Variants in LGALS14 observed in about 807,000 individuals in gnomAD.
The protein encoded by LGALS14 is galectin 14.
In LGALS14, 14 loss-of-function variants were observed where a neutral mutation model predicts 14.6. The ratio of observed to expected loss-of-function variants is 0.96; its 90% CI spans 0.64 to 1.50. The LOEUF is 1.50. Among genes scored for constraint, LGALS14 ranks in the 40% most tolerant of loss-of-function variants. The probability of loss-of-function intolerance (pLI) is 0.00; values close to 1 mark genes in which losing one functional copy is unlikely to be tolerated. For synonymous variants in LGALS14, 57 were observed against 63.9 expected, an observed-to-expected ratio of 0.89 and a Z score of 0.51; for missense variants, 180 against 172.0, an observed-to-expected ratio of 1.05 and a Z score of -0.26.
rs150238702 is a variant in LGALS14, at chr19:39,706,634, C to T, written c.53C>T (p.Ser18Leu). The T allele has an allele frequency of 2.4e-5, 38 of 1,613,848 alleles. 2 individuals carry two copies. In the South Asian group the frequency reaches 2.4e-4, roughly 10 times the overall value. ...CTGCCTGTTTCCTTGCCTGTTGGTTCGTGCGTGATAATCACAGGGACACCG... is the reference window on the plus strand; with the variant it reads ...CTGCCTGTTTCCTTGCCTGTTGGTTTGTGCGTGATAATCACAGGGACACCG... ...YTLPVSLPVG[S>L]CVIITGTPIL... is the part of the protein sequence containing the mutation. The change falls in exon 2 of 4, where the codon TCG (serine) becomes TTG (leucine). Residue 18 changes from serine (S) to leucine (L), a missense_variant. Transcript: ENST00000392052.
At chr19:39,707,982 G>C (rs1183109164) in intron 3 of LGALS14, among the ~76,000 whole-genome samples, 1 of 152,036 alleles carries the variant, frequency 6.6e-6, no homozygotes, top group Non-Finnish European at 1.5e-5. Context: ...GTTAACTTTT[G>C]TATTTTTAGT....
intron 1 of LGALS14, among the ~76,000 whole-genome samples, chr19:39,705,138 T>C (rs1973695516): frequency 6.6e-6 from 1 of 152,164 alleles, no homozygotes; most frequent in East Asian, 1.9e-4. Flanking sequence ...GGATCCCAAG[T>C]GGCTTAACTG....
rs1464874922 is a variant in LGALS14, at chr19:39,709,333, C to T, written c.*20C>T. On this transcript the variant is annotated 3_prime_UTR_variant, in exon 4 of 4. Coordinates refer to ENST00000392052, the MANE Select transcript of LGALS14 (RefSeq NM_020129.3). ...GATTGAGGGAGATGATCAGACTCCT[C>T]ATTGTTGAGGAATCCCTCTTTCTAC... The T allele has an allele frequency of 5.2e-6, 7 of 1,357,518 alleles. No homozygotes were observed. The highest frequency in any genetic ancestry group is 2.9e-5 in the African/African-American group (2 of 69,720). The allele number at this position is 1,357,518 out of a possible 1,614,324, so 84.1% of individuals were successfully genotyped here. A position where few individuals can be genotyped will look rare whatever the true frequency, so the allele number is the denominator to read the frequency against.
Position 39,707,302 on chromosome 19 carries a change from A to T in LGALS14, c.217A>T (p.Arg73Ter). ...IMNSCVFGIW[R>*]YEEKCYYLPF... Reference sequence around the variant, plus strand: ...GAACAGTTGTGTGTTTGGCATATGGAGATATGAGGAGAAATGCTACTATTT... The same window carrying T: ...GAACAGTTGTGTGTTTGGCATATGGTGATATGAGGAGAAATGCTACTATTT... Residue 73 changes from arginine to a stop codon, truncating the protein, a stop_gained, in exon 3 of 4, where the codon AGA becomes TGA. Transcript: ENST00000392052. LOFTEE classifies it high-confidence loss of function. The T allele has an allele frequency of 6.2e-7, 1 of 1,614,052 alleles. No individual in the cohort carries two copies. Among genetic ancestry groups the T allele is most frequent in the African/African-American group, 1.3e-5 (1 of 75,042 alleles).
At chr19:39,705,409 G>T (rs1208839187) in intron 1 of LGALS14, among the ~76,000 whole-genome samples, 1 of 152,156 alleles carries the variant, frequency 6.6e-6, no homozygotes, top group Non-Finnish European at 1.5e-5. Flanking sequence ...TGCCAGGGAA[G>T]AATATTAGAG....
Position 39,706,685 on chromosome 19 carries a change from A to G in LGALS14, c.92+12A>G, listed in dbSNP as rs750002012. 1.3e-6 allele frequency: 2 copies of G among 1,591,204 alleles called. No homozygotes were observed. Among genetic ancestry groups the G allele is most frequent in the Non-Finnish European group, 1.7e-6 (2 of 1,159,270 alleles). On this transcript the variant is annotated intron_variant, in intron 2 of 3. Transcript: ENST00000392052. ...ATCCTCACTTTTGTGTGAGTACTCC[A>G]TGGTCCAATGGAGGGGGTGGAGGAG...
In LGALS14 at chr19:39,706,638, C is replaced by G. The variant is rs143548297; in HGVS notation, c.57C>G (p.Cys19Trp). 8.1e-6 allele frequency: 13 copies of G among 1,613,760 alleles called. No homozygotes were observed. The highest frequency in any genetic ancestry group is 1.1e-5 in the Non-Finnish European group (13 of 1,179,816). Reference sequence around the variant, plus strand: ...CTGTTTCCTTGCCTGTTGGTTCGTGCGTGATAATCACAGGGACACCGATCC... The same window carrying G: ...CTGTTTCCTTGCCTGTTGGTTCGTGGGTGATAATCACAGGGACACCGATCC... ...TLPVSLPVGS[C>W]VIITGTPILT... Residue 19 changes from cysteine to tryptophan, a missense_variant, in exon 2 of 4, where the codon TGC becomes TGG. By Grantham distance (215) the Cys-to-Trp change is radical. Coordinates refer to ENST00000392052, the MANE Select transcript of LGALS14 (RefSeq NM_020129.3).
intron 1 of LGALS14, 68 bp from the exon 2 acceptor site, chr19:39,706,529 G>A: frequency 8.7e-7 from 1 of 1,148,372 alleles, no homozygotes; most frequent in Admixed American, 1.7e-5. Context: ...CTGCACCATG[G>A]GAATCTGTTA....
chr19:39,708,108 C>A lies in LGALS14; in HGVS notation c.303+720C>A, dbSNP rs1017360681. ...TACAGGCATAAGCCACCGTGCCCAGCCTTTCAGAGGAAATCTTTTCCTATG... is the reference window on the plus strand; with the variant it reads ...TACAGGCATAAGCCACCGTGCCCAGACTTTCAGAGGAAATCTTTTCCTATG... On this transcript the variant is annotated intron_variant, in intron 3 of 3. Coordinates refer to ENST00000392052, the MANE Select transcript of LGALS14 (RefSeq NM_020129.3). 3.3e-5 allele frequency among the ~76,000 whole-genome samples: 5 copies of A among 152,140 alleles called. No individual in the cohort carries two copies. The South Asian group carries it at 8.3e-4, about 25-fold the overall frequency.
At position 39,707,281 on chromosome 19, in the gene LGALS14, A is replaced by G. The variant is rs773797067; in HGVS notation, c.196A>G (p.Ser66Gly). The change falls in exon 3 of 4, where the codon AGT becomes GGT. Residue 66 changes from serine (S) to glycine (G), a missense_variant. Transcript: ENST00000392052. ...CTTTGGTCATCCTGCAATCATGAAC[A>G]GTTGTGTGTTTGGCATATGGAGATA... ...LHFGHPAIMN[S>G]CVFGIWRYEE... 2 of 1,614,110 alleles carry G rather than the reference A, an allele frequency of 1.2e-6. No individual in the cohort carries two copies. The highest frequency in any genetic ancestry group is 2.2e-5 in the South Asian group (2 of 91,082).
At position 39,705,242 on chromosome 19, in the gene LGALS14, G is replaced by A. The variant is rs148757531; in HGVS notation, c.15+699G>A. Among the ~76,000 whole-genome samples, 1,111 of 152,266 alleles carry A rather than the reference G, an allele frequency of 7.3e-3. 10 individuals carry two copies. The highest frequency in any genetic ancestry group is 9.7e-3 in the Non-Finnish European group (663 of 68,014). The stretch of plus-strand genomic sequence containing the variant: ...ATCAGTAGATATCTCTTCCCAGTAA[G>A]AGTGAGGAAAAGGAACGCAGATTAT... On this transcript the variant is annotated intron_variant, in intron 1 of 3. Coordinates refer to ENST00000392052, the MANE Select transcript of LGALS14 (RefSeq NM_020129.3).
Position 39,707,263 on chromosome 19 carries a change from C to T in LGALS14, c.178C>T (p.His60Tyr). 6.2e-7 allele frequency: 1 copy of T among 1,614,066 alleles called. No individual in the cohort carries two copies. Among genetic ancestry groups the T allele is most frequent in the Non-Finnish European group, 8.5e-7 (1 of 1,179,924 alleles). ...TTTCCAATTCCGACTGCACTTTGGTCATCCTGCAATCATGAACAGTTGTGT... is the reference window on the plus strand; with the variant it reads ...TTTCCAATTCCGACTGCACTTTGGTTATCCTGCAATCATGAACAGTTGTGT... ...IAFQFRLHFG[H>Y]PAIMNSCVFG... The change falls in exon 3 of 4, where the codon CAT becomes TAT. Residue 60 changes from histidine (H) to tyrosine (Y), a missense_variant. Coordinates refer to ENST00000392052, the MANE Select transcript of LGALS14 (RefSeq NM_020129.3).
chr19:39,709,131 G>A, intron 3 of LGALS14, 66 bp from the exon 4 acceptor site: 1 of 956,878 alleles, frequency 1.0e-6, no homozygotes, highest in Non-Finnish European at 1.7e-6. Flanking sequence ...ACTGGGCAGA[G>A]AAGAGAAAGG....
chr19:39,705,969 G>T (rs1973708838), intron 1 of LGALS14: 1 of 1,613,960 alleles, frequency 6.2e-7, no homozygotes. Context: ...AGTAATGTGT[G>T]CCGCTTCTGG....
intron 3 of LGALS14, among the ~76,000 whole-genome samples, chr19:39,708,355 A>G (rs1347593490): frequency 6.6e-6 from 1 of 152,186 alleles, no homozygotes; most frequent in Non-Finnish European, 1.5e-5. Flanking sequence ...TGGGCATTAA[A>G]GTTGTTTCCA....
Position 39,706,427 on chromosome 19 carries a change from T to C in LGALS14, c.16-170T>C, listed in dbSNP as rs1973715580. Among the ~76,000 whole-genome samples, 3 of 152,154 alleles carry C rather than the reference T, an allele frequency of 2.0e-5. No homozygotes were observed. In the South Asian group the frequency reaches 6.2e-4, roughly 32 times the overall value. The stretch of plus-strand genomic sequence containing the variant: ...GCTCTTGAACAATTGCTCTTACCTA[T>C]GGATCCACCATATCTTCAGGAATAT... On this transcript the variant is annotated intron_variant, in intron 1 of 3. Transcript: ENST00000392052.
intron 1 of LGALS14, among the ~76,000 whole-genome samples, chr19:39,704,884 T>A (rs1973692507): frequency 6.6e-6 from 1 of 152,092 alleles, no homozygotes; most frequent in Non-Finnish European, 1.5e-5. Context: ...TGTCTTCCTG[T>A]CTGTGATGTG....
intron 1 of LGALS14, chr19:39,706,146 A>C: frequency 1.6e-6 from 2 of 1,285,920 alleles, no homozygotes; most frequent in Non-Finnish European, 2.1e-6. Flanking sequence ...TCTGAGTTGA[A>C]AATAAGGCAG....
chr19:39,706,706 A>G (rs748118636), intron 2 of LGALS14, 33 bp downstream of exon 2: 2 of 1,500,136 alleles, frequency 1.3e-6, no homozygotes, highest in African/African-American at 2.8e-5. Context: ...GAGGGGGTGG[A>G]GGAGAGAAGG....
Sources: allele counts gnomAD v4.1 joint callset (sites outside exome capture counted in the v4.1 genomes callset), GRCh38; gene constraint gnomAD v4.1.1; transcripts MANE v1.5; gene names NCBI Gene and HGNC (gene_info 2026-07-23, HGNC 2026-07-21).